CDK17: variants seen among roughly 807,000 people sequenced by gnomAD.
CDK17 encodes the protein cyclin dependent kinase 17.
A neutral mutation model predicts 77.6 loss-of-function variants in CDK17; 24 were observed. That is an observed-to-expected ratio of 0.31 (90% CI 0.22 to 0.44). The LOEUF (loss-of-function observed/expected upper bound fraction) is 0.44. CDK17 is among the 20% of genes least tolerant of loss of function. CDK17 has a pLI of 1.00. For synonymous variants in CDK17, 203 were observed against 210.4 expected, an observed-to-expected ratio of 0.96 and a Z score of 0.30; for missense variants, 429 against 622.5, an observed-to-expected ratio of 0.69 and a Z score of 3.31.
intron 7 of CDK17, among the ~76,000 whole-genome samples, chr12:96,298,346 T>G (rs1046268394): frequency 6.6e-6 from 1 of 152,184 alleles, no homozygotes; most frequent in Non-Finnish European, 1.5e-5. Flanking sequence ...GGTTTGATAT[T>G]ATAATACTTA....
chr12:96,376,905 G>C (rs184569562), intron 1 of CDK17, among the ~76,000 whole-genome samples: 1 of 152,094 alleles, frequency 6.6e-6, no homozygotes. Context: ...CTGATAATCA[G>C]TAGAAAAAAT....
At chr12:96,316,645 ACCC>A in intron 3 of CDK17, among the ~76,000 whole-genome samples, 1 of 115,026 alleles carries the variant, frequency 8.7e-6, no homozygotes, top group Non-Finnish European at 1.9e-5. Context: ...TGGGTCCCTG[ACCC>A]CCTGACCCCC....
intron 1 of CDK17, among the ~76,000 whole-genome samples, chr12:96,338,567 T>A (rs1953079043): frequency 6.6e-6 from 1 of 152,134 alleles, no homozygotes; most frequent in African/African-American, 2.4e-5. Context: ...ATTTTTGTAT[T>A]TTTAGTAGAG....
chr12:96,331,910 A>G (rs1169682499), intron 2 of CDK17, among the ~76,000 whole-genome samples: 1 of 152,208 alleles, frequency 6.6e-6, no homozygotes, highest in East Asian at 1.9e-4. Context: ...ATTCAGGGAA[A>G]TTATAAACTA....
chr12:96,280,458 T>C (rs1188770940), intron 16 of CDK17, 179 bp from the exon 17 acceptor site: 36 of 1,420,620 alleles, frequency 2.5e-5, no homozygotes, highest in Non-Finnish European at 2.9e-5. Context: ...GCTTCTATGC[T>C]TCGAAGTGAT....
intron 16 of CDK17, 110 bp downstream of exon 16, chr12:96,280,698 T>G: frequency 6.6e-7 from 1 of 1,510,896 alleles, no homozygotes; most frequent in Non-Finnish European, 8.8e-7. Flanking sequence ...TGGAATGCAC[T>G]GTACATTGGT....
At chr12:96,352,860 A>G (rs902234253) in intron 1 of CDK17, among the ~76,000 whole-genome samples, 1 of 152,242 alleles carries the variant, frequency 6.6e-6, no homozygotes, top group African/African-American at 2.4e-5. Flanking sequence ...ACAATTTTTT[A>G]AAGTATTAGA....
intron 7 of CDK17, 65 bp from the exon 8 acceptor site, chr12:96,297,786 G>T: frequency 2.4e-6 from 2 of 823,112 alleles, no homozygotes; most frequent in South Asian, 1.5e-5. Flanking sequence ...GAAGTAAGTT[G>T]AACATACGAA....
chr12:96,320,669 C>A (rs1223781957), intron 3 of CDK17, among the ~76,000 whole-genome samples: 1 of 151,482 alleles, frequency 6.6e-6, no homozygotes, highest in Admixed American at 6.6e-5. Flanking sequence ...CTACAACTAT[C>A]TGATCTTTGA....
At chr12:96,358,786 C>T (rs1953447401) in intron 1 of CDK17, among the ~76,000 whole-genome samples, 1 of 152,144 alleles carries the variant, frequency 6.6e-6, no homozygotes, top group Non-Finnish European at 1.5e-5. Context: ...GATCAAGCCA[C>T]TGCACTCCTG....
At chr12:96,327,467 C>T (rs910287425) in intron 2 of CDK17, among the ~76,000 whole-genome samples, 1 of 152,134 alleles carries the variant, frequency 6.6e-6, no homozygotes, top group African/African-American at 2.4e-5. Flanking sequence ...CCAGCAGACA[C>T]GACTGCTAAA....
chr12:96,313,688 A>G (rs1357562395), intron 3 of CDK17, among the ~76,000 whole-genome samples: 1 of 152,234 alleles, frequency 6.6e-6, no homozygotes, highest in Non-Finnish European at 1.5e-5. Flanking sequence ...CATTCAAGTT[A>G]TTATCAAGGG....
At chr12:96,312,528 A>C in intron 4 of CDK17, among the ~76,000 whole-genome samples, 1 of 152,202 alleles carries the variant, frequency 6.6e-6, no homozygotes, top group East Asian at 1.9e-4. Flanking sequence ...TCATTTAGAA[A>C]ACTGATAAGA....
At chr12:96,281,444 C>T (rs974646049) in intron 15 of CDK17, among the ~76,000 whole-genome samples, 4 of 152,244 alleles carry the variant, frequency 2.6e-5, no homozygotes, top group Non-Finnish European at 4.4e-5. Context: ...TCTTGGCTCA[C>T]TGCAACCTCC....
At chr12:96,311,925 A>ATG (rs1843230363) in intron 4 of CDK17, among the ~76,000 whole-genome samples, 1 of 152,190 alleles carries the variant, frequency 6.6e-6, no homozygotes, top group Non-Finnish European at 1.5e-5. Context: ...AATGCCTAAA[A>ATG]TGTATCAATA....
chr12:96,296,011 C>T (rs1174847169), intron 9 of CDK17, among the ~76,000 whole-genome samples: 1 of 152,162 alleles, frequency 6.6e-6, no homozygotes, highest in Admixed American at 6.5e-5. Flanking sequence ...AACGGTATGC[C>T]TGAATGAATT....
chr12:96,302,034 C>T (rs982360760), intron 5 of CDK17, among the ~76,000 whole-genome samples: 3 of 152,066 alleles, frequency 2.0e-5, no homozygotes, highest in East Asian at 3.8e-4. Flanking sequence ...ATTATTTTTG[C>T]ATTCTATGAC....
rs758215438 is a variant in CDK17, at chr12:96,334,839, T to A, written c.-3A>T. ...AGCCTTCTCTTAAATTTTTTCATCC[T>A]ATCAATTGAATGTGGCTTGAAAAAT... On this transcript the variant is annotated 5_prime_UTR_variant, in exon 2 of 17. Coordinates refer to ENST00000261211, the MANE Select transcript of CDK17 (RefSeq NM_002595.5). 4.8e-6 allele frequency: 7 copies of A among 1,473,610 alleles called. No individual in the cohort carries two copies. 91.3% of individuals were successfully genotyped at this position (1,473,610 alleles called of 1,614,324 possible). A position where few individuals can be genotyped will look rare whatever the true frequency, so the allele number is the denominator to read the frequency against.
At chr12:96,365,115 T>C (rs1423794038) in intron 1 of CDK17, among the ~76,000 whole-genome samples, 3 of 152,196 alleles carry the variant, frequency 2.0e-5, no homozygotes, top group Admixed American at 2.0e-4. Flanking sequence ...AAATATATAT[T>C]CAATGTTAAA....
Sources: allele counts gnomAD v4.1 joint callset (sites outside exome capture counted in the v4.1 genomes callset), GRCh38; gene constraint gnomAD v4.1.1; transcripts MANE v1.5; gene names NCBI Gene and HGNC (gene_info 2026-07-23, HGNC 2026-07-21).